CALCRL: variants seen among roughly 807,000 people sequenced by gnomAD.
CALCRL encodes calcitonin gene-related peptide type 1 receptor.
In CALCRL, 27 loss-of-function variants were observed where a neutral mutation model predicts 60.4. The observed-to-expected ratio is 0.45, with a 90% CI of 0.33 to 0.62. CALCRL has a LOEUF of 0.62. CALCRL is among the 20% of genes least tolerant of loss of function. The probability of loss-of-function intolerance (pLI) is 0.03; values close to 1 mark genes in which losing one functional copy is unlikely to be tolerated. For synonymous variants in CALCRL, 190 were observed against 182.6 expected (o/e 1.04, Z -0.33); for missense variants, 424 against 540.7 (o/e 0.78, Z 2.14).
chr2:187,401,865 T>C lies in CALCRL; in HGVS notation c.-292-14109A>G, dbSNP rs1373905321. ...GGAACTTGACCTAGGTTAGAAATTT[T>C]ACATCCTAACTATACTCCTTCTATG... On this transcript the variant is annotated intron_variant, in intron 1 of 14. Coordinates refer to ENST00000392370, the MANE Select transcript of CALCRL (RefSeq NM_005795.6). Among the ~76,000 whole-genome samples, 3 of 151,586 alleles carry C rather than the reference T, an allele frequency of 2.0e-5. No homozygotes were observed. The East Asian group carries it at 5.8e-4, about 29-fold the overall frequency.
At chr2:187,398,602 A>T (rs1688755707) in intron 1 of CALCRL, among the ~76,000 whole-genome samples, 1 of 151,570 alleles carries the variant, frequency 6.6e-6, no homozygotes, top group Non-Finnish European at 1.5e-5. Flanking sequence ...CCTCTTGATC[A>T]CTGAAGTAGG....
chr2:187,425,869 T>G (rs1234225395), intron 1 of CALCRL, among the ~76,000 whole-genome samples: 1 of 151,990 alleles, frequency 6.6e-6, no homozygotes, highest in Non-Finnish European at 1.5e-5. Flanking sequence ...CTATAACTGT[T>G]ATATCATTTT....
chr2:187,403,975 A>C (rs1365165932), intron 1 of CALCRL, among the ~76,000 whole-genome samples: 1 of 151,940 alleles, frequency 6.6e-6, no homozygotes, highest in African/African-American at 2.4e-5. Context: ...CCTGTGAAAA[A>C]AGATGGCAAA....
intron 1 of CALCRL, among the ~76,000 whole-genome samples, chr2:187,440,918 CATT>C (rs1255140112): frequency 6.6e-6 from 1 of 151,944 alleles, no homozygotes; most frequent in Admixed American, 6.6e-5. Context: ...TTAGGAAAAT[CATT>C]ATATGAATTT....
intron 8 of CALCRL, among the ~76,000 whole-genome samples, chr2:187,371,698 T>C (rs550971375): frequency 6.6e-6 from 1 of 151,402 alleles, no homozygotes; most frequent in South Asian, 2.1e-4. Context: ...ATCCCGCCAC[T>C]GCACTCCAGC....
intron 8 of CALCRL, among the ~76,000 whole-genome samples, chr2:187,373,839 G>A (rs1373401849): frequency 6.6e-6 from 1 of 152,104 alleles, no homozygotes; most frequent in Non-Finnish European, 1.5e-5. Context: ...TGACAAAGTG[G>A]AATTTGAGAC....
In CALCRL at chr2:187,414,395, A is replaced by G. The variant is rs190287707; in HGVS notation, c.-292-26639T>C. 4.6e-5 allele frequency among the ~76,000 whole-genome samples: 7 copies of G among 152,270 alleles called. No homozygotes were observed. The East Asian group carries it at 7.7e-4, about 17-fold the overall frequency. On this transcript the variant is annotated intron_variant, in intron 1 of 14. Coordinates refer to ENST00000392370, the MANE Select transcript of CALCRL (RefSeq NM_005795.6). ...AAAAATAACTTTAAATTTAAAAAGT[A>G]TAAATGCATGGCCACATTTTAAACC...
At chr2:187,383,711 T>C (rs1167208345) in intron 4 of CALCRL, among the ~76,000 whole-genome samples, 1 of 152,160 alleles carries the variant, frequency 6.6e-6, no homozygotes, top group African/African-American at 2.4e-5. Flanking sequence ...TGCTTCCTTA[T>C]TGTAAAATAG....
chr2:187,378,018 A>T (rs1240034751), intron 8 of CALCRL, among the ~76,000 whole-genome samples: 1 of 151,692 alleles, frequency 6.6e-6, no homozygotes, highest in Admixed American at 6.6e-5. Context: ...TAGGAAGAGG[A>T]ATAAGAGAAG....
In CALCRL at chr2:187,380,786, G is replaced by A. The variant is rs765981649; in HGVS notation, c.186C>T (p.Gly62=). The change falls in exon 6 of 15, where the codon GGC becomes GGT. Residue 62 remains glycine, a splice_region_variant and synonymous_variant. Coordinates refer to ENST00000392370, the MANE Select transcript of CALCRL (RefSeq NM_005795.6). ...IMQDPIQQAE[G]VYCNRTWDGW... ...CATCCCAGGTTCTGTTGCAGTAAAC[G>A]CCTTAGTGGGGAAATAATAATTGGG... is the stretch of plus-strand genomic sequence containing the variant. 35 of 1,608,652 alleles carry A rather than the reference G, an allele frequency of 2.2e-5. No homozygotes were observed. Among genetic ancestry groups the A allele is most frequent in the East Asian group, 4.5e-5 (2 of 44,836 alleles).
intron 1 of CALCRL, among the ~76,000 whole-genome samples, chr2:187,439,102 A>G (rs1371381576): frequency 6.6e-6 from 1 of 152,156 alleles, no homozygotes; most frequent in Non-Finnish European, 1.5e-5. Context: ...GCACTTATCT[A>G]GGTGCTTCAT....
intron 1 of CALCRL, among the ~76,000 whole-genome samples, chr2:187,413,423 C>G (rs528961735): frequency 3.4e-4 from 51 of 152,126 alleles, no homozygotes; most frequent in Admixed American, 7.2e-4. Context: ...GACTGTTGCT[C>G]TATCTATAAC....
In CALCRL at chr2:187,346,167, C is replaced by A; in HGVS notation, c.*17G>T. ...TTAGGAGAAGCACAAAACAGTGAGA[C>A]AACCATCCTTCTATTTTCAATTATA... On this transcript the variant is annotated 3_prime_UTR_variant, in exon 15 of 15. Coordinates refer to ENST00000392370, the MANE Select transcript of CALCRL (RefSeq NM_005795.6). 1 of 1,505,252 alleles carries A rather than the reference C, an allele frequency of 6.6e-7. No individual in the cohort carries two copies. The highest frequency in any genetic ancestry group is 2.3e-5 in the East Asian group (1 of 42,788). 93.2% of individuals were successfully genotyped at this position (1,505,252 alleles called of 1,614,324 possible). A position where few individuals can be genotyped will look rare whatever the true frequency, so the allele number is the denominator to read the frequency against.
At chr2:187,407,635 C>T (rs899972421) in intron 1 of CALCRL, among the ~76,000 whole-genome samples, 4 of 151,964 alleles carry the variant, frequency 2.6e-5, no homozygotes, top group African/African-American at 9.7e-5. Flanking sequence ...AGAAAAACTT[C>T]AATTTTAATA....
At chr2:187,442,265 G>A (rs1690955897) in intron 1 of CALCRL, among the ~76,000 whole-genome samples, 1 of 150,242 alleles carries the variant, frequency 6.7e-6, no homozygotes, top group Admixed American at 6.7e-5. Context: ...CTGCAACATG[G>A]GTGTTTAAAC....
intron 1 of CALCRL, among the ~76,000 whole-genome samples, chr2:187,417,994 C>T (rs910843969): frequency 2.6e-5 from 4 of 152,114 alleles, no homozygotes; most frequent in African/African-American, 9.7e-5. Context: ...TATTTAACAT[C>T]TTTGCCCAAT....
chr2:187,386,651 C>G (rs1470823625), intron 3 of CALCRL, among the ~76,000 whole-genome samples: 1 of 152,000 alleles, frequency 6.6e-6, no homozygotes, highest in East Asian at 1.9e-4. Context: ...TGCTTACACC[C>G]TGTGAAGTCC....
rs145425948 is a variant in CALCRL, at chr2:187,359,603, T to C, written c.782-331A>G. Among the ~76,000 whole-genome samples the C allele has an allele frequency of 8.5e-5, 13 of 152,254 alleles. No homozygotes were observed. In the East Asian group the frequency reaches 2.1e-3, roughly 25 times the overall value. ...GAAGAAATTCAGCATTCGTGTACTTTCTGTGAGATGGAATTGGCCAACATT... is the reference window on the plus strand; with the variant it reads ...GAAGAAATTCAGCATTCGTGTACTTCCTGTGAGATGGAATTGGCCAACATT... On this transcript the variant is annotated intron_variant, in intron 10 of 14. Transcript: ENST00000392370.
chr2:187,434,664 T>G (rs1485429216), intron 1 of CALCRL, among the ~76,000 whole-genome samples: 1 of 152,172 alleles, frequency 6.6e-6, no homozygotes, highest in Non-Finnish European at 1.5e-5. Flanking sequence ...GTTCATAGCC[T>G]CATTGTTTGT....
Sources: gnomAD v4.1 joint callset for allele counts (sites outside exome capture counted in the v4.1 genomes callset) on GRCh38, gnomAD v4.1.1 for gene constraint, MANE v1.5 for transcripts, NCBI Gene and HGNC (gene_info 2026-07-23, HGNC 2026-07-21) for gene names.